CLIC4: variants seen among roughly 807,000 people sequenced by gnomAD.
The protein encoded by CLIC4 is CLIC family member 4, also known as chloride intracellular channel protein 4.
Under a neutral mutation model 24.6 loss-of-function variants are expected in CLIC4, and 13 were observed. The observed-to-expected ratio is 0.53, with a 90% CI of 0.34 to 0.84. The LOEUF (loss-of-function observed/expected upper bound fraction) is 0.84, where lower values mean the gene tolerates loss of function less well. CLIC4 is among the 40% of genes least tolerant of loss of function. CLIC4 has a pLI of 0.01. For missense variants in CLIC4, 227 were observed against 301.7 expected (o/e 0.75, Z 1.83); for synonymous variants, 104 against 111.3 (o/e 0.93, Z 0.41).
In CLIC4 at chr1:24,813,042, CTTTCTTTTT is replaced by C. The variant is rs1639630805; in HGVS notation, c.183-1048_183-1040del. On this transcript the variant is annotated intron_variant, in intron 2 of 5. Transcript: ENST00000374379. ...GAAAAATACCTTTCTTTCTTTCTTTCTTTCTTTTTTTTTTTTTTTAAGATGGAGTCTTGC... is the reference window on the plus strand; with the variant it reads ...GAAAAATACCTTTCTTTCTTTCTTTCTTTTTTTTTTAAGATGGAGTCTTGC... Among the ~76,000 whole-genome samples, 12 of 114,098 alleles carry C rather than the reference CTTTCTTTTT, an allele frequency of 1.1e-4. No homozygotes were observed. The South Asian group carries it at 3.7e-3, about 35-fold the overall frequency. 74.9% of individuals were successfully genotyped at this position (114,098 alleles called of 152,430 possible).
Position 24,745,517 on chromosome 1 carries a change from C to T in CLIC4, c.-37C>T, listed in dbSNP as rs971274588. ...GGAGCAGAAGCAGCAGCAGCAGCAG[C>T]AGCCCTCGCCGTTCGCGGAGCGCAG... On this transcript the variant is annotated 5_prime_UTR_variant, in exon 1 of 6. Transcript: ENST00000374379. The T allele has an allele frequency of 5.8e-6, 9 of 1,548,078 alleles. No homozygotes were observed. The African/African-American group carries it at 8.4e-5, about 14-fold the overall frequency.
intron 1 of CLIC4, among the ~76,000 whole-genome samples, chr1:24,754,364 A>G (rs752388642): frequency 2.0e-5 from 3 of 152,208 alleles, no homozygotes; most frequent in Non-Finnish European, 4.4e-5. Flanking sequence ...CCTAGAAGCC[A>G]GTAAGTAAGG....
chr1:24,750,377 C>T (rs1162278576), intron 1 of CLIC4, among the ~76,000 whole-genome samples: 3 of 151,884 alleles, frequency 2.0e-5, no homozygotes, highest in Non-Finnish European at 4.4e-5. Context: ...TATTTGAGAC[C>T]TTTTAGCAAG....
At chr1:24,791,263 C>T (rs1171258399) in intron 1 of CLIC4, among the ~76,000 whole-genome samples, 4 of 152,114 alleles carry the variant, frequency 2.6e-5, no homozygotes, top group African/African-American at 9.7e-5. Context: ...ATAAACGTAT[C>T]CTGGCTCCCA....
intron 1 of CLIC4, among the ~76,000 whole-genome samples, chr1:24,775,220 C>CTTTTTTTTT (rs1439553733): frequency 1.3e-5 from 1 of 77,034 alleles, no homozygotes; most frequent in African/African-American, 5.1e-5. Context: ...TCCTTTCTTT[C>CTTTTTTTTT]TTTCTTTTTT....
intron 1 of CLIC4, among the ~76,000 whole-genome samples, chr1:24,758,377 C>A (rs1638877848): frequency 6.6e-6 from 1 of 151,396 alleles, no homozygotes; most frequent in South Asian, 2.1e-4. Flanking sequence ...CTCACTGCAA[C>A]CTCTGCCTCC....
intron 2 of CLIC4, among the ~76,000 whole-genome samples, chr1:24,813,240 C>T (rs1267360869): frequency 4.6e-5 from 7 of 151,882 alleles, no homozygotes; most frequent in Admixed American, 2.0e-4. Flanking sequence ...GATGGGGTTT[C>T]ACCATGTTGG....
chr1:24,838,617 A>G (rs1639908857), intron 4 of CLIC4, among the ~76,000 whole-genome samples: 1 of 152,138 alleles, frequency 6.6e-6, no homozygotes, highest in African/African-American at 2.4e-5. Flanking sequence ...ATGATATTTA[A>G]CTTTCTTTTA....
Position 24,797,822 on chromosome 1 carries a change from A to C in CLIC4, c.153A>C (p.Val51=), listed in dbSNP as rs771297027. ...TGATTCTTTGGCTCAAAGGAGTTGT[A>C]TTTAGTGTGACGACTGTTGACCTGA... ...LFMILWLKGV[V]FSVTTVDLKR... is the part of the protein sequence containing the mutation. Residue 51 remains valine, a synonymous_variant, in exon 2 of 6, where the codon GTA becomes GTC. Transcript: ENST00000374379. The C allele has an allele frequency of 6.2e-7, 1 of 1,613,446 alleles. No homozygotes were observed. The highest frequency in any genetic ancestry group is 2.2e-5 in the East Asian group (1 of 44,842).
In CLIC4 at chr1:24,822,873, A is replaced by G. The variant is rs1386013875; in HGVS notation, c.309-4137A>G. Among the ~76,000 whole-genome samples, 4 of 152,004 alleles carry G rather than the reference A, an allele frequency of 2.6e-5. No individual in the cohort carries two copies. In the East Asian group the frequency reaches 7.7e-4, roughly 29 times the overall value. ...GTTTCTGGGATCACAAGCTGCATTT[A>G]TTTTCCTTCCCTCTATTGTGCTATA... On this transcript the variant is annotated intron_variant, in intron 3 of 5. Transcript: ENST00000374379.
At chr1:24,824,871 C>T (rs1226204995) in intron 3 of CLIC4, among the ~76,000 whole-genome samples, 1 of 151,840 alleles carries the variant, frequency 6.6e-6, no homozygotes, top group Non-Finnish European at 1.5e-5. Context: ...TGTGGTGGCA[C>T]ATGCCTGTAG....
intron 1 of CLIC4, among the ~76,000 whole-genome samples, chr1:24,755,557 T>C (rs913666426): frequency 6.6e-6 from 1 of 151,592 alleles, no homozygotes; most frequent in Non-Finnish European, 1.5e-5. Context: ...TGCAATGAGC[T>C]ATGATTGTGC....
At chr1:24,777,650 G>T (rs1639157102) in intron 1 of CLIC4, among the ~76,000 whole-genome samples, 1 of 152,166 alleles carries the variant, frequency 6.6e-6, no homozygotes, top group Non-Finnish European at 1.5e-5. Flanking sequence ...CTAGATGCCT[G>T]CTGTCAATAC....
chr1:24,760,189 A>G (rs1638904455), intron 1 of CLIC4, among the ~76,000 whole-genome samples: 1 of 151,466 alleles, frequency 6.6e-6, no homozygotes, highest in Non-Finnish European at 1.5e-5. Flanking sequence ...ACATGGGGAA[A>G]CCCCGTCTCT....
At chr1:24,802,567 C>T (rs963566906) in intron 2 of CLIC4, among the ~76,000 whole-genome samples, 2 of 152,030 alleles carry the variant, frequency 1.3e-5, no homozygotes, top group African/African-American at 4.8e-5. Flanking sequence ...AAAAATGCTT[C>T]TTAGGGCAAC....
At chr1:24,745,675 C>T (rs1434249727) in intron 1 of CLIC4, 50 bp downstream of exon 1, 5 of 1,464,856 alleles carry the variant, frequency 3.4e-6, no homozygotes, top group African/African-American at 2.9e-5. Context: ...GGCTCCCTCC[C>T]GGCTGCGGGG....
chr1:24,786,913 A>C (rs141818617), intron 1 of CLIC4, among the ~76,000 whole-genome samples: 2,405 of 151,354 alleles, frequency 0.016, 58 homozygotes, highest in African/African-American at 0.056. Flanking sequence ...CCACCGTGCC[A>C]GGCCAATTTT....
At position 24,773,512 on chromosome 1, in the gene CLIC4, G is replaced by A. The variant is rs540797985; in HGVS notation, c.73-24230G>A. Among the ~76,000 whole-genome samples the A allele has an allele frequency of 3.3e-5, 5 of 151,266 alleles. No individual in the cohort carries two copies. The East Asian group carries it at 9.7e-4, about 29-fold the overall frequency. The stretch of plus-strand genomic sequence containing the variant: ...TAGTTGATAAACAAGGGAAGACCCT[G>A]GCAGTTAGTGAATTTATCTTTGGTT... On this transcript the variant is annotated intron_variant, in intron 1 of 5. Coordinates refer to ENST00000374379, the MANE Select transcript of CLIC4 (RefSeq NM_013943.3).
At position 24,844,183 on chromosome 1, in the gene CLIC4, T is replaced by A. The variant is rs796395111; in HGVS notation, c.*3246T>A. ...AAATGAAAGCTTATTATAGAATGCA[T>A]GTATTTTCTTTTATCTTTGGAACAT... On this transcript the variant is annotated 3_prime_UTR_variant, in exon 6 of 6. Transcript: ENST00000374379. 37 of 152,768 alleles carry A rather than the reference T, an allele frequency of 2.4e-4. No homozygotes were observed. The highest frequency in any genetic ancestry group is 8.7e-4 in the African/African-American group (36 of 41,576). The allele number at this position is 152,768 out of a possible 1,614,324, so 9.5% of individuals were successfully genotyped here. A position where few individuals can be genotyped will look rare whatever the true frequency, so the allele number is the denominator to read the frequency against.
Sources: allele counts gnomAD v4.1 joint callset (sites outside exome capture counted in the v4.1 genomes callset), GRCh38; gene constraint gnomAD v4.1.1; transcripts MANE v1.5; gene names NCBI Gene and HGNC (gene_info 2026-07-23, HGNC 2026-07-21).